NUP210: variants seen among roughly 807,000 people sequenced by gnomAD.
The protein encoded by NUP210 is nuclear pore membrane glycoprotein 210.
NUP210 carries 151 observed loss-of-function variants against 196.0 expected under a neutral mutation model. The observed-to-expected ratio is 0.77, with a 90% CI of 0.67 to 0.88. The LOEUF (loss-of-function observed/expected upper bound fraction) is 0.88, where lower values mean the gene tolerates loss of function less well. NUP210 is among the 40% of genes least tolerant of loss of function. The pLI, the probability that NUP210 is intolerant of heterozygous loss-of-function variation, is 0.00. For synonymous variants in NUP210, 1,070 were observed against 1,052.7 expected, an observed-to-expected ratio of 1.02 and a Z score of -0.32; for missense variants, 2,314 against 2,493.7, an observed-to-expected ratio of 0.93 and a Z score of 1.53.
chr3:13,337,824 G>T lies in NUP210; in HGVS notation c.3552+13C>A. ...TCGGGAACCAGGATTCAGAGCCCAG[G>T]AGGTCCCCTCACCTGGGTGCCCGTC... is the stretch of plus-strand genomic sequence containing the variant. On this transcript the variant is annotated intron_variant, in intron 26 of 39. Coordinates refer to ENST00000254508, the MANE Select transcript of NUP210 (RefSeq NM_024923.4). 1 of 1,605,224 alleles carries T rather than the reference G, an allele frequency of 6.2e-7. No homozygotes were observed.
chr3:13,329,317 C>T (rs962163609), intron 30 of NUP210, among the ~76,000 whole-genome samples: 8 of 152,346 alleles, frequency 5.3e-5, no homozygotes, highest in Admixed American at 2.6e-4. Context: ...AAATCCTCCT[C>T]GATCGCAGGG....
chr3:13,325,996 C>T (rs1696736361), intron 32 of NUP210, 65 bp from the exon 33 acceptor site: 3 of 1,583,430 alleles, frequency 1.9e-6, no homozygotes, highest in South Asian at 1.1e-5. Context: ...AAGCCCAGCT[C>T]ACCTGGATGA....
At chr3:13,321,042 A>C (rs1024143212) in intron 36 of NUP210, among the ~76,000 whole-genome samples, 1 of 152,264 alleles carries the variant, frequency 6.6e-6, no homozygotes, top group Non-Finnish European at 1.5e-5. Context: ...AGAACATGCG[A>C]TCACGCTGGC....
At chr3:13,411,433 G>C (rs1448381748) in intron 1 of NUP210, among the ~76,000 whole-genome samples, 1 of 152,222 alleles carries the variant, frequency 6.6e-6, no homozygotes, top group Non-Finnish European at 1.5e-5. Flanking sequence ...GTACAGTGCA[G>C]TCATTCTTAC....
At chr3:13,361,396 GC>G (rs1559328670) in intron 14 of NUP210, among the ~76,000 whole-genome samples, 1 of 152,194 alleles carries the variant, frequency 6.6e-6, no homozygotes, top group African/African-American at 2.4e-5. Context: ...AACCAGTGGT[GC>G]CCAGGGCCCC....
intron 18 of NUP210, among the ~76,000 whole-genome samples, chr3:13,353,184 G>A (rs1483545804): frequency 2.0e-5 from 3 of 152,262 alleles, no homozygotes; most frequent in Admixed American, 2.0e-4. Flanking sequence ...GACAATAGAA[G>A]TGCCTCATCC....
intron 14 of NUP210, among the ~76,000 whole-genome samples, chr3:13,365,054 G>A (rs1698484674): frequency 6.6e-6 from 1 of 152,122 alleles, no homozygotes; most frequent in African/African-American, 2.4e-5. Flanking sequence ...AGGAGGAGCA[G>A]GAACTCCCCA....
intron 1 of NUP210, among the ~76,000 whole-genome samples, chr3:13,410,303 C>T (rs1194864216): frequency 6.6e-6 from 1 of 152,064 alleles, no homozygotes; most frequent in Non-Finnish European, 1.5e-5. Flanking sequence ...GCCTCAGCCT[C>T]CCGAGGAGCT....
chr3:13,331,324 G>C (rs554355415), intron 29 of NUP210, among the ~76,000 whole-genome samples: 81 of 152,214 alleles, frequency 5.3e-4, no homozygotes, highest in Middle Eastern at 3.4e-3. Flanking sequence ...GGAAGCAAAG[G>C]CCTCCAGCTC....
At chr3:13,402,599 G>A (rs1486238031) in intron 1 of NUP210, among the ~76,000 whole-genome samples, 1 of 152,024 alleles carries the variant, frequency 6.6e-6, no homozygotes, top group African/African-American at 2.4e-5. Flanking sequence ...CGACTGCAGT[G>A]ACCACACCTT....
At chr3:13,391,622 G>T in intron 3 of NUP210, among the ~76,000 whole-genome samples, 1 of 149,384 alleles carries the variant, frequency 6.7e-6, no homozygotes, top group Non-Finnish European at 1.5e-5. Context: ...TAACACTGCT[G>T]CCCCGCACGT....
chr3:13,322,100 G>A (rs933101957), intron 35 of NUP210, 93 bp downstream of exon 35: 41 of 1,455,490 alleles, frequency 2.8e-5, no homozygotes, highest in Non-Finnish European at 3.9e-5. Flanking sequence ...CTGGACAGAC[G>A]GCCATGGTGA....
chr3:13,325,970 C>G lies in NUP210; in HGVS notation c.4508-39G>C, dbSNP rs376283600. On this transcript the variant is annotated intron_variant, in intron 32 of 39. Coordinates refer to ENST00000254508, the MANE Select transcript of NUP210 (RefSeq NM_024923.4). ...ACAGGTGTCAGCCCCCTTTCCATAGCTGGACACTCCAGTCAAAGCCCAGCT... is the reference window on the plus strand; with the variant it reads ...ACAGGTGTCAGCCCCCTTTCCATAGGTGGACACTCCAGTCAAAGCCCAGCT... 32 of 1,607,438 alleles carry G rather than the reference C, an allele frequency of 2.0e-5. No homozygotes were observed. The African/African-American group carries it at 2.1e-4, about 11-fold the overall frequency.
chr3:13,396,791 T>C lies in NUP210; in HGVS notation c.436+566A>G, dbSNP rs143885313. On this transcript the variant is annotated intron_variant, in intron 3 of 39. Transcript: ENST00000254508. ...AAAAAAAAAAAAAAAAAGTTTCCCT[T>C]ACTTCCTTTAAGAGATCACCTAGAA... Among the ~76,000 whole-genome samples, 796 of 144,880 alleles carry C rather than the reference T, an allele frequency of 5.5e-3. 19 individuals carry two copies. Among genetic ancestry groups the C allele is most frequent in the East Asian group, 0.045 (225 of 4,952 alleles).
chr3:13,340,186 G>C lies in NUP210; in HGVS notation c.3291+50C>G. Reference sequence around the variant, plus strand: ...CCAGAGGCGGCGTGCCTGGAACCAGGTGGTGGCCTGCACTGGGGCTGGAGC... The same window carrying C: ...CCAGAGGCGGCGTGCCTGGAACCAGCTGGTGGCCTGCACTGGGGCTGGAGC... On this transcript the variant is annotated intron_variant, in intron 24 of 39. Transcript: ENST00000254508. This position sits in a 1 kb window ranked among gnomAD's most constrained non-coding sequence, Gnocchi z 4.0. 1 of 1,610,956 alleles carries C rather than the reference G, an allele frequency of 6.2e-7. No individual in the cohort carries two copies. Among genetic ancestry groups the C allele is most frequent in the Non-Finnish European group, 8.5e-7 (1 of 1,178,076 alleles).
At chr3:13,399,198 G>A (rs1182352625) in intron 2 of NUP210, among the ~76,000 whole-genome samples, 4 of 150,010 alleles carry the variant, frequency 2.7e-5, no homozygotes, top group Admixed American at 6.7e-5. Context: ...CCCAGGAGGC[G>A]GAGGTTGCAG....
In NUP210 at chr3:13,365,985, C is replaced by G; in HGVS notation, c.1893G>C (p.Leu631=). Residue 631 remains leucine, a synonymous_variant, in exon 14 of 40, where the codon CTG becomes CTC. Transcript: ENST00000254508. The stretch of plus-strand genomic sequence containing the variant: ...AGGCAGCAATGGTGATCTTGGCACT[C>G]AGGTGGACGTGGCCGTGTCTGTAGC... ...LVSYRHGHVH[L]SAKITIAAYL... The G allele has an allele frequency of 1.2e-6, 2 of 1,614,224 alleles. No individual in the cohort carries two copies. Among genetic ancestry groups the G allele is most frequent in the Non-Finnish European group, 1.7e-6 (2 of 1,180,032 alleles).
Position 13,354,060 on chromosome 3 carries a change from G to C in NUP210, c.2376C>G (p.Tyr792Ter). 1.2e-6 allele frequency: 2 copies of C among 1,604,130 alleles called. No individual in the cohort carries two copies. Among genetic ancestry groups the C allele is most frequent in the Non-Finnish European group, 1.7e-6 (2 of 1,175,698 alleles). Residue 792 changes from tyrosine (Y) to a stop codon, truncating the protein, a stop_gained, in exon 17 of 40, where the codon TAC becomes TAG. Coordinates refer to ENST00000254508, the MANE Select transcript of NUP210 (RefSeq NM_024923.4). LOFTEE classifies it high-confidence loss of function. ...HRNPRLDLAA[Y>*]DQEGRRFDNF... ...TGTCGAACCGGCGGCCCTCCTGGTC[G>C]TAAGCAGCCAGGTCCAGCCGGGGGT...
chr3:13,326,073 C>T, intron 32 of NUP210, 142 bp from the exon 33 acceptor site: 6 of 1,070,044 alleles, frequency 5.6e-6, no homozygotes, highest in Middle Eastern at 3.1e-4. Context: ...CAGGAGACAG[C>T]CACGCTGCCT....
Sources: allele counts gnomAD v4.1 joint callset (sites outside exome capture counted in the v4.1 genomes callset), GRCh38; gene constraint gnomAD v4.1.1; non-coding constraint Gnocchi (gnomAD v3.1); transcripts MANE v1.5; gene names NCBI Gene and HGNC (gene_info 2026-07-23, HGNC 2026-07-21).